TMC7: variants seen among roughly 807,000 people sequenced by gnomAD.
TMC7 encodes transmembrane channel like 7, also known as transmembrane channel-like protein 7.
Under a neutral mutation model 82.9 loss-of-function variants are expected in TMC7, and 54 were observed. The observed-to-expected ratio is 0.65, with a 90% CI of 0.52 to 0.82. The LOEUF is 0.82. TMC7 is among the 40% of genes least tolerant of loss of function. TMC7 has a pLI of 0.00. For synonymous variants in TMC7, 350 were observed against 337.9 expected (o/e 1.04, Z -0.39); for missense variants, 820 against 901.2 (o/e 0.91, Z 1.15).
Position 19,035,581 on chromosome 16 carries a change from CTA to C in TMC7, c.858-93_858-92del, listed in dbSNP as rs1960705525. 4 of 1,474,382 alleles carry C rather than the reference CTA, an allele frequency of 2.7e-6. No homozygotes were observed. The Admixed American group carries it at 6.8e-5, about 25-fold the overall frequency. The allele number at this position is 1,474,382 out of a possible 1,614,324, so 91.3% of individuals were successfully genotyped here. A position where few individuals can be genotyped will look rare whatever the true frequency, so the allele number is the denominator to read the frequency against. Reference sequence around the variant, plus strand: ...ATGTCACAATGGGCTGAAAATGCAGCTATGTCTAACTTTTTAAGTTTCAGACA... The same window carrying C: ...ATGTCACAATGGGCTGAAAATGCAGCTGTCTAACTTTTTAAGTTTCAGACA... On this transcript the variant is annotated intron_variant, in intron 6 of 15. Transcript: ENST00000304381.
chr16:19,032,362 T>C (rs2142242985), intron 6 of TMC7, among the ~76,000 whole-genome samples: 1 of 152,198 alleles, frequency 6.6e-6, no homozygotes, highest in Non-Finnish European at 1.5e-5. Context: ...AAGTGTACTA[T>C]GTACAAATGA....
chr16:19,034,210 C>G (rs1380203497), intron 6 of TMC7, among the ~76,000 whole-genome samples: 1 of 152,122 alleles, frequency 6.6e-6, no homozygotes, highest in Non-Finnish European at 1.5e-5. Flanking sequence ...GGTACCTGCT[C>G]TCAAGGAATT....
rs561120692 is a variant in TMC7, at chr16:19,039,659, G to C, written c.1180-630G>C. 7.9e-5 allele frequency among the ~76,000 whole-genome samples: 12 copies of C among 152,200 alleles called. No individual in the cohort carries two copies. The East Asian group carries it at 2.1e-3, about 27-fold the overall frequency. ...TCTGTTACTGTGAAAGCAGGGAATT[G>C]CTATTTCAATTTCAAATCAAATCAA... is the stretch of plus-strand genomic sequence containing the variant. On this transcript the variant is annotated intron_variant, in intron 8 of 15. Coordinates refer to ENST00000304381, the MANE Select transcript of TMC7 (RefSeq NM_024847.4).
At chr16:19,058,613 T>TA (rs1029490154) in intron 14 of TMC7, among the ~76,000 whole-genome samples, 3 of 152,198 alleles carry the variant, frequency 2.0e-5, no homozygotes, top group African/African-American at 7.2e-5. Flanking sequence ...ATATTAAAAG[T>TA]AAAAAGCAAG....
chr16:18,988,385 C>G (rs973801645), intron 1 of TMC7, among the ~76,000 whole-genome samples: 22 of 150,096 alleles, frequency 1.5e-4, no homozygotes, highest in Non-Finnish European at 2.5e-4. Flanking sequence ...GAACTCCTGA[C>G]CTCAGGTGAT....
chr16:19,032,916 C>T (rs183295703), intron 6 of TMC7, among the ~76,000 whole-genome samples: 8 of 152,258 alleles, frequency 5.3e-5, no homozygotes, highest in East Asian at 1.9e-4. Context: ...CGTGAGCCAC[C>T]GCACCCAGCC....
chr16:19,030,302 C>G lies in TMC7; in HGVS notation c.790C>G (p.Leu264Val), dbSNP rs773522471. The G allele has an allele frequency of 6.2e-6, 10 of 1,613,768 alleles. No individual in the cohort carries two copies. Among genetic ancestry groups the G allele is most frequent in the Non-Finnish European group, 3.4e-6 (4 of 1,179,980 alleles). ...GAAATTTCAGAACTTCACCTATGAT[C>G]TGCCCCTGGCGTATTTGTTAAGCAC... ...GVKFQNFTYDLPLAYLLSTIA... is the reference protein window; with the variant it reads ...GVKFQNFTYDVPLAYLLSTIA... Residue 264 changes from leucine to valine, a missense_variant, in exon 6 of 16, where the codon CTG (leucine) becomes GTG (valine). Leu to Val is a conservative substitution (Grantham distance 32, BLOSUM62 1). This residue lies in a region of TMC7 where 650 missense variants were observed against 669.9 expected (regional missense o/e 0.97). Coordinates refer to ENST00000304381, the MANE Select transcript of TMC7 (RefSeq NM_024847.4).
chr16:19,015,219 C>G (rs1026973571), intron 2 of TMC7, among the ~76,000 whole-genome samples: 1 of 151,816 alleles, frequency 6.6e-6, no homozygotes, highest in Non-Finnish European at 1.5e-5. Flanking sequence ...CTGCCTTGGC[C>G]TCCCAAAGTG....
chr16:19,006,588 G>A (rs370771355), intron 1 of TMC7, among the ~76,000 whole-genome samples: 6 of 152,284 alleles, frequency 3.9e-5, no homozygotes, highest in African/African-American at 9.6e-5. Context: ...TGACTTTAAC[G>A]TTTCCATTCT....
chr16:19,028,127 C>T (rs1416506734), intron 5 of TMC7, among the ~76,000 whole-genome samples: 1 of 152,082 alleles, frequency 6.6e-6, no homozygotes, highest in Non-Finnish European at 1.5e-5. Context: ...TGTAGGGAAC[C>T]TCTATGTATT....
At chr16:19,004,076 G>A (rs1240072112) in intron 1 of TMC7, among the ~76,000 whole-genome samples, 1 of 151,440 alleles carries the variant, frequency 6.6e-6, no homozygotes, top group Non-Finnish European at 1.5e-5. Flanking sequence ...GGCAAGTGAA[G>A]CCCTCTGTGC....
intron 1 of TMC7, among the ~76,000 whole-genome samples, chr16:18,996,689 A>G (rs2039048588): frequency 1.3e-5 from 2 of 152,178 alleles, no homozygotes; most frequent in African/African-American, 4.8e-5. Flanking sequence ...GTTTAAAGAG[A>G]AAGGTGGAGA....
intron 5 of TMC7, among the ~76,000 whole-genome samples, chr16:19,025,728 T>C (rs988425691): frequency 6.6e-6 from 1 of 151,426 alleles, no homozygotes. Context: ...ATTTGTCCAC[T>C]GCATTTGATT....
intron 12 of TMC7, among the ~76,000 whole-genome samples, chr16:19,051,193 C>G (rs142749254): frequency 1.7e-4 from 26 of 149,306 alleles, no homozygotes; most frequent in African/African-American, 4.9e-4. Flanking sequence ...AGTTTGGAGT[C>G]TGGATGAAAC....
chr16:19,020,296 A>G (rs1959904216), intron 3 of TMC7, among the ~76,000 whole-genome samples: 1 of 152,248 alleles, frequency 6.6e-6, no homozygotes. Flanking sequence ...GGTGCCGATT[A>G]TCACAGATTC....
chr16:18,992,423 T>C (rs2038968468), intron 1 of TMC7, among the ~76,000 whole-genome samples: 1 of 152,216 alleles, frequency 6.6e-6, no homozygotes, highest in Non-Finnish European at 1.5e-5. Flanking sequence ...TCATATCCTT[T>C]GCCCACTTTT....
chr16:19,034,170 T>G (rs1259932425), intron 6 of TMC7, among the ~76,000 whole-genome samples: 1 of 152,202 alleles, frequency 6.6e-6, no homozygotes, highest in Admixed American at 6.6e-5. Flanking sequence ...CCAAAGTATA[T>G]AGTCCATATA....
chr16:19,021,325 C>T lies in TMC7; in HGVS notation c.461-304C>T, dbSNP rs186199247. On this transcript the variant is annotated intron_variant, in intron 3 of 15. Coordinates refer to ENST00000304381, the MANE Select transcript of TMC7 (RefSeq NM_024847.4). ...ACATATATGTTCAGGTGATTATTTCCAAAAAAGGCAGCCAATAAATGGTGC... is the reference window on the plus strand; with the variant it reads ...ACATATATGTTCAGGTGATTATTTCTAAAAAAGGCAGCCAATAAATGGTGC... Among the ~76,000 whole-genome samples the T allele has an allele frequency of 5.9e-5, 9 of 151,996 alleles. No individual in the cohort carries two copies. The East Asian group carries it at 1.7e-3, about 29-fold the overall frequency.
At chr16:19,009,654 T>A (rs1596737055) in intron 2 of TMC7, among the ~76,000 whole-genome samples, 1 of 151,964 alleles carries the variant, frequency 6.6e-6, no homozygotes, top group Non-Finnish European at 1.5e-5. Context: ...TTAGTTTCTT[T>A]CCAGGCCGGG....
Sources: allele counts gnomAD v4.1 joint callset (sites outside exome capture counted in the v4.1 genomes callset), GRCh38; gene constraint gnomAD v4.1.1; regional missense constraint gnomAD v4.1.1; transcripts MANE v1.5; gene names NCBI Gene and HGNC (gene_info 2026-07-23, HGNC 2026-07-21).